OCA2: variants seen among roughly 807,000 people sequenced by gnomAD.
OCA2 encodes P protein.
OCA2 carries 77 observed loss-of-function variants against 100.2 expected under a neutral mutation model. The observed-to-expected ratio is 0.77, with a 90% CI of 0.64 to 0.93. The LOEUF (loss-of-function observed/expected upper bound fraction) is 0.93. OCA2 is among the 40% of genes least tolerant of loss of function. The pLI is 0.00. For missense variants in OCA2, 1,062 were observed against 1,089.1 expected, an observed-to-expected ratio of 0.98 and a Z score of 0.35; for synonymous variants, 432 against 439.2, an observed-to-expected ratio of 0.98 and a Z score of 0.21.
chr15:27,720,145 A>G, the OCA2 span, among the ~76,000 whole-genome samples: 1 of 152,322 alleles, frequency 6.6e-6, no homozygotes. Context: ...CAAACATTCA[A>G]ACCATAGTGC....
At chr15:28,026,940 G>A (rs1192953709) in intron 4 of OCA2, among the ~76,000 whole-genome samples, 2 of 152,214 alleles carry the variant, frequency 1.3e-5, no homozygotes, top group African/African-American at 2.4e-5. Flanking sequence ...ACAAAGCCAG[G>A]AGGGCATCGC....
At chr15:27,814,953 T>G (rs796649466) in intron 23 of OCA2, among the ~76,000 whole-genome samples, 30 of 136,790 alleles carry the variant, frequency 2.2e-4, no homozygotes, top group Middle Eastern at 4.2e-3. Context: ...GATACAGAGA[T>G]ATATATATAT....
intron 9 of OCA2, among the ~76,000 whole-genome samples, chr15:28,003,094 C>T (rs988403575): frequency 6.6e-6 from 1 of 152,244 alleles, no homozygotes; most frequent in African/African-American, 2.4e-5. Context: ...GTCAGCCACG[C>T]ACGGACTGTG....
At chr15:27,949,337 G>A (rs957367224) in intron 18 of OCA2, among the ~76,000 whole-genome samples, 1 of 152,146 alleles carries the variant, frequency 6.6e-6, no homozygotes, top group African/African-American at 2.4e-5. Flanking sequence ...CACATTGAAC[G>A]AGGCTCAACT....
intron 10 of OCA2, among the ~76,000 whole-genome samples, chr15:27,990,034 G>A (rs2041499231): frequency 6.6e-6 from 1 of 152,096 alleles, no homozygotes; most frequent in Non-Finnish European, 1.5e-5. Context: ...TCTCAGCTGG[G>A]TTCCAGCACT....
chr15:27,874,621 A>G (rs1442147061), intron 19 of OCA2, among the ~76,000 whole-genome samples: 5 of 152,218 alleles, frequency 3.3e-5, no homozygotes, highest in Non-Finnish European at 7.3e-5. Flanking sequence ...GAATTCATAG[A>G]TACTGAATGT....
the OCA2 span, among the ~76,000 whole-genome samples, chr15:27,723,052 A>G: frequency 2.0e-5 from 3 of 151,972 alleles, no homozygotes; most frequent in Non-Finnish European, 4.4e-5. Flanking sequence ...CATGTTGGCC[A>G]GGCTGGTCTC....
intron 9 of OCA2, among the ~76,000 whole-genome samples, chr15:27,999,271 T>G (rs2041853052): frequency 6.6e-6 from 1 of 152,170 alleles, no homozygotes; most frequent in Admixed American, 6.5e-5. Flanking sequence ...ATACCATGAT[T>G]AAGTAGGAAT....
At chr15:27,851,520 G>T in intron 21 of OCA2, 45 bp from the exon 22 acceptor site, 1 of 1,486,534 alleles carries the variant, frequency 6.7e-7, no homozygotes, top group Non-Finnish European at 9.3e-7. Flanking sequence ...TGGACGCTCA[G>T]AGAAGCTGCC....
intron 15 of OCA2, among the ~76,000 whole-genome samples, chr15:27,964,943 G>A (rs553268309): frequency 6.6e-6 from 1 of 152,300 alleles, no homozygotes; most frequent in Admixed American, 6.5e-5. Flanking sequence ...ACTCAGGAAC[G>A]GTGAGGAATT....
At chr15:28,065,607 G>A (rs1385291219) in intron 2 of OCA2, among the ~76,000 whole-genome samples, 1 of 151,946 alleles carries the variant, frequency 6.6e-6, no homozygotes, top group East Asian at 1.9e-4. Flanking sequence ...ACGTTTCTGG[G>A]GGTCGAATAA....
intron 9 of OCA2, among the ~76,000 whole-genome samples, chr15:27,999,709 T>C (rs1025023195): frequency 2.6e-5 from 4 of 152,196 alleles, no homozygotes; most frequent in African/African-American, 7.2e-5. Context: ...ATCTTATATA[T>C]AGAAAACCCT....
At chr15:27,826,821 G>A (rs892155281) in intron 23 of OCA2, among the ~76,000 whole-genome samples, 9 of 152,250 alleles carry the variant, frequency 5.9e-5, no homozygotes, top group East Asian at 5.8e-4. Flanking sequence ...ACCGGAGTGC[G>A]GGACTGGGTG....
chr15:27,731,493 T>A, the OCA2 span, among the ~76,000 whole-genome samples: 1 of 152,206 alleles, frequency 6.6e-6, no homozygotes, highest in Non-Finnish European at 1.5e-5. Flanking sequence ...TCAGCCTGGA[T>A]GTAAAAGGAG....
chr15:27,867,449 C>G (rs532001115), intron 21 of OCA2, among the ~76,000 whole-genome samples: 1 of 152,106 alleles, frequency 6.6e-6, no homozygotes, highest in African/African-American at 2.4e-5. Context: ...TAAAAATCTA[C>G]TTGCATGCTG....
intron 6 of OCA2, among the ~76,000 whole-genome samples, chr15:28,021,672 C>A (rs563762162): frequency 6.6e-6 from 1 of 152,188 alleles, no homozygotes; most frequent in Non-Finnish European, 1.5e-5. Flanking sequence ...AAGCATCCCC[C>A]AGTGATGCCA....
chr15:28,066,430 G>C (rs1032768800), intron 2 of OCA2, among the ~76,000 whole-genome samples: 1 of 152,054 alleles, frequency 6.6e-6, no homozygotes, highest in Non-Finnish European at 1.5e-5. Flanking sequence ...GGAGGCGTTA[G>C]ATATGCCTCA....
At chr15:27,914,217 T>C (rs367551407) in intron 19 of OCA2, among the ~76,000 whole-genome samples, 12 of 152,126 alleles carry the variant, frequency 7.9e-5, no homozygotes, top group African/African-American at 2.9e-4. Context: ...TACCTTAAAA[T>C]AATAAGAGCT....
chr15:27,845,418 G>A (rs1485216120), intron 22 of OCA2, among the ~76,000 whole-genome samples: 1 of 152,154 alleles, frequency 6.6e-6, no homozygotes, highest in Non-Finnish European at 1.5e-5. Flanking sequence ...GTCTCAGACA[G>A]GAACCACCTT....
Sources: allele counts gnomAD v4.1 joint callset (sites outside exome capture counted in the v4.1 genomes callset), GRCh38; gene constraint gnomAD v4.1.1; transcripts MANE v1.5; gene names NCBI Gene and HGNC (gene_info 2026-07-23, HGNC 2026-07-21).